EEF1B2: variants seen among roughly 807,000 people sequenced by gnomAD.
EEF1B2 encodes eukaryotic translation elongation factor 1 beta 2.
A neutral mutation model predicts 28.3 loss-of-function variants in EEF1B2; 12 were observed. The observed-to-expected ratio is 0.42, with a 90% confidence interval of 0.27 to 0.69. The LOEUF is 0.69. EEF1B2 is among the 30% of genes least tolerant of loss of function. The pLI is 0.22. For missense variants in EEF1B2, 234 were observed against 272.6 expected, an observed-to-expected ratio of 0.86 and a Z score of 1.00; for synonymous variants, 83 against 99.9, an observed-to-expected ratio of 0.83 and a Z score of 1.01.
chr2:206,160,062 G>A lies in EEF1B2; in HGVS notation c.80+3G>A. ...GCGGACAAGAGCTACATCGAGGGGT[G>A]AGCGGACGGGCTGAGTCGGGGTGGC... On this transcript the variant is annotated splice_donor_region_variant and intron_variant, in intron 1 of 5. Coordinates refer to ENST00000392222, the MANE Select transcript of EEF1B2 (RefSeq NM_001959.4). 2 of 1,611,306 alleles carry A rather than the reference G, an allele frequency of 1.2e-6. No individual in the cohort carries two copies. The highest frequency in any genetic ancestry group is 1.7e-6 in the Non-Finnish European group (2 of 1,178,876).
In EEF1B2 at chr2:206,162,875, A is replaced by G; in HGVS notation, c.670A>G (p.Lys224Glu). Residue 224 changes from lysine to glutamate, a missense_variant, in exon 6 of 6, where the codon AAG (lysine) becomes GAG (glutamate). Around this residue, in one of 2 missense-constraint regions of EEF1B2, gnomAD observed 56 missense variants for 99.3 expected, o/e 0.56. Transcript: ENST00000392222. ...GTCCATGGATGTGGCTGCTTTCAAC[A>G]AGATCTAAAATCCATCCTGGATCAT... ...VQSMDVAAFN[K>E]I 1.9e-6 allele frequency: 3 copies of G among 1,592,740 alleles called. No homozygotes were observed. The highest frequency in any genetic ancestry group is 2.5e-6 in the Non-Finnish European group (3 of 1,177,850).
chr2:206,159,766 A>G (rs1232041116), upstream of EEF1B2: 1 of 528,072 alleles, frequency 1.9e-6, no homozygotes, highest in Non-Finnish European at 3.4e-6. Flanking sequence ...GGGCCATTTA[A>G]TTCAGGGCCC....
At chr2:206,160,766 G>A in intron 2 of EEF1B2, 56 bp downstream of exon 2, 1 of 1,613,330 alleles carries the variant, frequency 6.2e-7, no homozygotes, top group Non-Finnish European at 8.5e-7. Context: ...AGTTTATCAG[G>A]ATGTTCACAT....
At chr2:206,162,660 A>G in intron 5 of EEF1B2, 46 bp downstream of exon 5, 1 of 1,578,800 alleles carries the variant, frequency 6.3e-7, no homozygotes. Context: ...AACATCTGGA[A>G]TTTGCCTACA....
chr2:206,162,038 G>A lies in EEF1B2; in HGVS notation c.331G>A (p.Glu111Lys), dbSNP rs1161172447. 5 of 1,613,802 alleles carry A rather than the reference G, an allele frequency of 3.1e-6. No homozygotes were observed. The highest frequency in any genetic ancestry group is 1.7e-5 in the Admixed American group (1 of 60,006). Residue 111 changes from glutamate (E) to lysine (K), a missense_variant and splice_region_variant, in exon 4 of 6, where the codon GAA (glutamate) becomes AAA (lysine). Physicochemically the swap from Glu to Lys is moderately conservative, Grantham distance 56. Coordinates refer to ENST00000392222, the MANE Select transcript of EEF1B2 (RefSeq NM_001959.4). The stretch of plus-strand genomic sequence containing the variant: ...GTGGATTAATTTTTTTTCTTTACAG[G>A]AAAGTGAAGAAGCAAAGAGGCTAAG... Reference protein sequence around the residue: ...IDLFGSDDEEESEEAKRLREE... With the variant: ...IDLFGSDDEEKSEEAKRLREE...
chr2:206,160,618 A>T lies in EEF1B2; in HGVS notation c.111A>T (p.Val37=), dbSNP rs775176313. The T allele has an allele frequency of 6.2e-7, 1 of 1,614,020 alleles. No homozygotes were observed. The highest frequency in any genetic ancestry group is 1.1e-5 in the South Asian group (1 of 91,080). The part of the protein sequence containing the change: ...GYVPSQADVA[V]FEAVSSPPPA... ...TGCCATCACAAGCAGATGTGGCAGT[A>T]TTTGAAGCCGTGTCCAGCCCACCGC... Residue 37 remains valine, a synonymous_variant, in exon 2 of 6, where the codon GTA becomes GTT. Coordinates refer to ENST00000392222, the MANE Select transcript of EEF1B2 (RefSeq NM_001959.4).
chr2:206,162,089 T>C lies in EEF1B2; in HGVS notation c.382T>C (p.Ser128Pro). The C allele has an allele frequency of 6.2e-7, 1 of 1,613,980 alleles. No individual in the cohort carries two copies. Among genetic ancestry groups the C allele is most frequent in the Non-Finnish European group, 8.5e-7 (1 of 1,179,950 alleles). Residue 128 changes from serine to proline, a missense_variant, in exon 4 of 6, where the codon TCA (serine) becomes CCA (proline). By Grantham distance (74) the Ser-to-Pro change is moderately conservative. Around this residue, in one of 2 missense-constraint regions of EEF1B2, gnomAD observed 178 missense variants for 173.3 expected, o/e 1.03. Transcript: ENST00000392222. The stretch of plus-strand genomic sequence containing the variant: ...GGAAGAACGTCTTGCACAATATGAA[T>C]CAAAGAAAGCCAAAAGTAGGTCATT... ...LREERLAQYE[S>P]KKAKKPALVA...
chr2:206,162,474 G>A lies in EEF1B2; in HGVS notation c.398-15G>A, dbSNP rs1404658773. On this transcript the variant is annotated splice_polypyrimidine_tract_variant and intron_variant, in intron 4 of 5. Transcript: ENST00000392222. Reference sequence around the variant, plus strand: ...TACAATTCATTATTTGAATAATGCTGTTTATTGTTTTTAGAACCTGCACTT... The same window carrying A: ...TACAATTCATTATTTGAATAATGCTATTTATTGTTTTTAGAACCTGCACTT... The A allele has an allele frequency of 5.0e-6, 8 of 1,611,886 alleles. No homozygotes were observed. Among genetic ancestry groups the A allele is most frequent in the Non-Finnish European group, 6.8e-6 (8 of 1,179,574 alleles).
intron 1 of EEF1B2, among the ~76,000 whole-genome samples, chr2:206,160,284 A>AT (rs777661494): frequency 2.0e-5 from 3 of 152,170 alleles, no homozygotes; most frequent in Admixed American, 6.5e-5. Flanking sequence ...AATGTGCTTT[A>AT]TTTACACTTA....
At chr2:206,161,635 G>A (rs897884690) in intron 3 of EEF1B2, among the ~76,000 whole-genome samples, 163 bp downstream of exon 3, 2 of 152,108 alleles carry the variant, frequency 1.3e-5, no homozygotes, top group Non-Finnish European at 1.5e-5. Context: ...ACAAAAAAAT[G>A]TGGCAGGCAT....
chr2:206,161,528 A>G (rs1253946261), intron 3 of EEF1B2, 56 bp downstream of exon 3: 1 of 1,603,414 alleles, frequency 6.2e-7, no homozygotes, highest in Admixed American at 1.7e-5. Context: ...CATGCCTGTA[A>G]TCCCAGCATG....
At position 206,161,614 on chromosome 2, in the gene EEF1B2, G is replaced by C. The variant is rs955168927; in HGVS notation, c.330+142G>C. The C allele has an allele frequency of 5.0e-5, 54 of 1,071,634 alleles. No homozygotes were observed. The African/African-American group carries it at 8.0e-4, about 16-fold the overall frequency. The allele number at this position is 1,071,634 out of a possible 1,614,324, so 66.4% of individuals were successfully genotyped here. A position where few individuals can be genotyped will look rare whatever the true frequency, so the allele number is the denominator to read the frequency against. On this transcript the variant is annotated intron_variant, in intron 3 of 5. Coordinates refer to ENST00000392222, the MANE Select transcript of EEF1B2 (RefSeq NM_001959.4). ...TGGCCAAGATGGTGAAACCCTGTCT[G>C]TACTAAAAATACAAAAAAATGTGGC...
chr2:206,159,731 A>G, upstream of EEF1B2: 1 of 414,932 alleles, frequency 2.4e-6, no homozygotes, highest in South Asian at 5.2e-5. Context: ...TTCCAAACGC[A>G]ACGAAAGGTC....
In EEF1B2 at chr2:206,161,882, T is replaced by C. The variant is rs373937628; in HGVS notation, c.331-156T>C. 306 of 782,812 alleles carry C rather than the reference T, an allele frequency of 3.9e-4. 1 individual carries two copies. In the African/African-American group the frequency reaches 4.8e-3, roughly 12 times the overall value. 48.5% of individuals were successfully genotyped at this position (782,812 alleles called of 1,614,324 possible). ...TATGCCTTTTTCAAATTCTGACTGG[T>C]TGCATGATGAATAAAATCAAATCAC... On this transcript the variant is annotated intron_variant, in intron 3 of 5. Coordinates refer to ENST00000392222, the MANE Select transcript of EEF1B2 (RefSeq NM_001959.4).
chr2:206,161,994 G>C (rs781021694), intron 3 of EEF1B2, 44 bp from the exon 4 acceptor site: 14 of 1,564,676 alleles, frequency 8.9e-6, no homozygotes, highest in Non-Finnish European at 1.1e-5. Flanking sequence ...TTAAGCAGAG[G>C]AACAACCAGC....
At chr2:206,162,403 C>G in intron 4 of EEF1B2, 86 bp from the exon 5 acceptor site, 1 of 1,599,830 alleles carries the variant, frequency 6.3e-7, no homozygotes, top group South Asian at 1.1e-5. Flanking sequence ...AGTCTCAAAA[C>G]AAATTGAGAT....
Position 206,162,609 on chromosome 2 carries a change from G to A in EEF1B2, c.518G>A (p.Gly173Asp). ...RSIQADGLVW[G>D]SSKLVPVGYG... The stretch of plus-strand genomic sequence containing the variant: ...ATTCAAGCAGACGGCTTAGTCTGGG[G>A]CTCATGTGAGTTTAGGCTTTGCCTT... The change falls in exon 5 of 6, where the codon GGC becomes GAC. Residue 173 changes from glycine (G) to aspartate (D), a missense_variant. This residue lies in a region of EEF1B2 where 56 missense variants were observed against 99.3 expected (regional missense o/e 0.56). Transcript: ENST00000392222. 3 of 1,609,700 alleles carry A rather than the reference G, an allele frequency of 1.9e-6. No homozygotes were observed. Among genetic ancestry groups the A allele is most frequent in the Non-Finnish European group, 2.5e-6 (3 of 1,179,054 alleles).
chr2:206,159,652 G>T (rs1466736466), upstream of EEF1B2: 1 of 249,458 alleles, frequency 4.0e-6, no homozygotes, highest in Non-Finnish European at 7.8e-6. Context: ...GCGCTTCTAG[G>T]GCTGGTTCCC....
At chr2:206,160,118 A>C in intron 1 of EEF1B2, 59 bp downstream of exon 1, 1 of 1,580,978 alleles carries the variant, frequency 6.3e-7, no homozygotes, top group Non-Finnish European at 8.6e-7. Context: ...GGCCGGGGCC[A>C]CGTGGCGCAG....
Sources: gnomAD v4.1 joint callset for allele counts (sites outside exome capture counted in the v4.1 genomes callset) on GRCh38, gnomAD v4.1.1 for gene constraint, gnomAD v4.1.1 regional missense constraint, MANE v1.5 for transcripts, NCBI Gene and HGNC (gene_info 2026-07-23, HGNC 2026-07-21) for gene names.